Variants in SLC35F1 observed in about 807,000 individuals in gnomAD.
SLC35F1 encodes the protein solute carrier family 35 member F1.
SLC35F1 carries 14 observed loss-of-function variants against 48.7 expected under a neutral mutation model. That is an observed-to-expected ratio of 0.29 (90% CI 0.19 to 0.45). The LOEUF (loss-of-function observed/expected upper bound fraction) is 0.45, where lower values mean the gene tolerates loss of function less well. SLC35F1 is among the 20% of genes least tolerant of loss of function. The pLI is 1.00. For missense variants in SLC35F1, 404 were observed against 500.0 expected (o/e 0.81, Z 1.83); for synonymous variants, 190 against 202.2 (o/e 0.94, Z 0.51).
intron 1 of SLC35F1, among the ~76,000 whole-genome samples, chr6:117,998,314 A>C (rs1382308375): frequency 1.3e-5 from 2 of 149,530 alleles, no homozygotes; most frequent in Non-Finnish European, 1.5e-5. Flanking sequence ...AGACTCCCAC[A>C]CAATAATAAT....
At chr6:117,971,481 C>G (rs1359370406) in intron 1 of SLC35F1, among the ~76,000 whole-genome samples, 1 of 152,212 alleles carries the variant, frequency 6.6e-6, no homozygotes, top group Non-Finnish European at 1.5e-5. Context: ...CTCCACTAAG[C>G]AGTGCCCCAG....
intron 4 of SLC35F1, among the ~76,000 whole-genome samples, chr6:118,272,576 G>A (rs1197365801): frequency 2.0e-5 from 3 of 151,632 alleles, no homozygotes; most frequent in Non-Finnish European, 4.4e-5. Context: ...CAGTTAACTA[G>A]ATACAAATTT....
chr6:118,117,930 G>A (rs1452068632), intron 1 of SLC35F1, among the ~76,000 whole-genome samples: 1 of 152,054 alleles, frequency 6.6e-6, no homozygotes, highest in African/African-American at 2.4e-5. Flanking sequence ...TTTTATTGCT[G>A]AGTAGTGTTT....
intron 4 of SLC35F1, among the ~76,000 whole-genome samples, chr6:118,271,115 T>A (rs1384208429): frequency 6.6e-6 from 1 of 152,156 alleles, no homozygotes; most frequent in Non-Finnish European, 1.5e-5. Flanking sequence ...CAAGTAAAAA[T>A]GACACTTTTT....
At chr6:118,225,824 C>A (rs927716192) in intron 2 of SLC35F1, among the ~76,000 whole-genome samples, 9 of 144,858 alleles carry the variant, frequency 6.2e-5, no homozygotes, top group African/African-American at 2.1e-4. Flanking sequence ...TGCAGTGAGC[C>A]GAGATCAAGC....
At chr6:118,120,930 T>A (rs1341823434) in intron 1 of SLC35F1, among the ~76,000 whole-genome samples, 1 of 152,196 alleles carries the variant, frequency 6.6e-6, no homozygotes, top group Non-Finnish European at 1.5e-5. Flanking sequence ...TCATCTTTTT[T>A]TCTTCCTGCT....
intron 1 of SLC35F1, among the ~76,000 whole-genome samples, chr6:117,910,280 G>A (rs1449801152): frequency 6.6e-6 from 1 of 152,190 alleles, no homozygotes; most frequent in Non-Finnish European, 1.5e-5. Context: ...CAGAGTGCTT[G>A]GATGTGGCTC....
intron 1 of SLC35F1, among the ~76,000 whole-genome samples, chr6:117,939,388 G>A (rs1776201150): frequency 6.6e-6 from 1 of 152,164 alleles, no homozygotes; most frequent in South Asian, 2.1e-4. Flanking sequence ...ACCCCAGCCA[G>A]GGACTGCATG....
intron 1 of SLC35F1, among the ~76,000 whole-genome samples, chr6:117,926,312 T>C (rs1385709209): frequency 6.6e-6 from 1 of 152,176 alleles, no homozygotes; most frequent in Non-Finnish European, 1.5e-5. Context: ...GAAGAGGTGC[T>C]TTCTACCGTA....
At chr6:118,079,806 G>A (rs1188988544) in intron 1 of SLC35F1, among the ~76,000 whole-genome samples, 1 of 152,148 alleles carries the variant, frequency 6.6e-6, no homozygotes, top group Non-Finnish European at 1.5e-5. Flanking sequence ...TGAGGTTTCT[G>A]TCCTGAGAGG....
At chr6:117,993,019 G>T (rs996658153) in intron 1 of SLC35F1, among the ~76,000 whole-genome samples, 5 of 152,212 alleles carry the variant, frequency 3.3e-5, no homozygotes, top group Non-Finnish European at 7.3e-5. Flanking sequence ...TGCAAAGAAA[G>T]CCACAGACCC....
intron 1 of SLC35F1, among the ~76,000 whole-genome samples, chr6:117,945,589 ACTG>A (rs1400258214): frequency 6.6e-6 from 1 of 152,222 alleles, no homozygotes; most frequent in Non-Finnish European, 1.5e-5. Flanking sequence ...TAAAATGATC[ACTG>A]CTTAAAAGTT....
At chr6:118,278,100 C>A (rs1320400243) in intron 6 of SLC35F1, among the ~76,000 whole-genome samples, 2 of 152,186 alleles carry the variant, frequency 1.3e-5, no homozygotes, top group East Asian at 3.9e-4. Flanking sequence ...AATAGTCATC[C>A]AGGACTTCTC....
chr6:118,042,453 G>T (rs1772238493), intron 1 of SLC35F1, among the ~76,000 whole-genome samples: 1 of 152,184 alleles, frequency 6.6e-6, no homozygotes, highest in African/African-American at 2.4e-5. Flanking sequence ...GGTCATCTCA[G>T]ACCCTGGGTC....
At chr6:118,088,918 CTT>C (rs1025932795) in intron 1 of SLC35F1, among the ~76,000 whole-genome samples, 3 of 152,138 alleles carry the variant, frequency 2.0e-5, no homozygotes, top group Non-Finnish European at 4.4e-5. Context: ...TTTTTGGTAA[CTT>C]AAGTAAGGAC....
At chr6:118,312,771 C>T (rs1776386021) in intron 7 of SLC35F1, among the ~76,000 whole-genome samples, 1 of 152,058 alleles carries the variant, frequency 6.6e-6, no homozygotes, top group Non-Finnish European at 1.5e-5. Context: ...CAGTTAGAGC[C>T]ATCTTTTAGC....
rs555011120 is a variant in SLC35F1 at position 118,187,422 on chromosome 6, A to G, written c.349+32802A>G. ...CATGAAAATAGTTCTCTGAGCAGATAAGTGAAAGTGAAACAACAAAAAGAA... is the reference window on the plus strand; with the variant it reads ...CATGAAAATAGTTCTCTGAGCAGATGAGTGAAAGTGAAACAACAAAAAGAA... On this transcript the variant is annotated intron_variant, in intron 2 of 7. Transcript: ENST00000360388. Among the ~76,000 whole-genome samples, 11 of 152,358 alleles carry G rather than the reference A, an allele frequency of 7.2e-5. No individual in the cohort carries two copies. The South Asian group carries it at 2.3e-3, about 32-fold the overall frequency.
chr6:117,929,047 A>T (rs1311371073), intron 1 of SLC35F1, among the ~76,000 whole-genome samples: 5 of 151,986 alleles, frequency 3.3e-5, no homozygotes, highest in African/African-American at 1.2e-4. Flanking sequence ...TTACGAGATC[A>T]CCACATCCGG....
At chr6:117,947,116 A>C (rs918708031) in intron 1 of SLC35F1, among the ~76,000 whole-genome samples, 10 of 152,206 alleles carry the variant, frequency 6.6e-5, no homozygotes, top group African/African-American at 2.4e-4. Context: ...AAGGGTAATG[A>C]AATTTTAGAT....
Sources: gnomAD v4.1 joint callset for allele counts (sites outside exome capture counted in the v4.1 genomes callset) on GRCh38, gnomAD v4.1.1 for gene constraint, MANE v1.5 for transcripts, NCBI Gene and HGNC (gene_info 2026-07-23, HGNC 2026-07-21) for gene names.